The following MOSPD1 variants were observed in gnomAD, a reference collection of about 807,000 sequenced individuals.
MOSPD1 encodes the protein motile sperm domain containing 1, also known as motile sperm domain-containing protein 1.
MOSPD1 carries 5 observed loss-of-function variants against 16.7 expected under a neutral mutation model. That is an observed-to-expected ratio of 0.30 (90% CI 0.16 to 0.63). MOSPD1 has a LOEUF of 0.63. Ranked by LOEUF, MOSPD1 falls within the 30% of genes least tolerant of loss-of-function variation. The pLI, the probability that MOSPD1 is intolerant of heterozygous loss-of-function variation, is 0.82. For missense variants in MOSPD1, 104 were observed against 153.6 expected, an observed-to-expected ratio of 0.68 and a Z score of 1.71; for synonymous variants, 67 against 59.2, an observed-to-expected ratio of 1.13 and a Z score of -0.61.
intron 1 of MOSPD1, among the ~76,000 whole-genome samples, chrX:134,912,461 G>A (rs765689657): frequency 3.7e-5 from 4 of 109,475 alleles, no homozygotes; most frequent in Non-Finnish European, 7.6e-5. Context: ...TTACAGGTGT[G>A]AGCCACCACT....
At chrX:134,903,218 GA>G (rs779084515) in intron 1 of MOSPD1, among the ~76,000 whole-genome samples, 7 of 109,223 alleles carry the variant, frequency 6.4e-5, no homozygotes, top group African/African-American at 1.3e-4. Context: ...TATCTATCTA[GA>G]AAAAAAATAA....
intron 1 of MOSPD1, among the ~76,000 whole-genome samples, chrX:134,903,974 T>C (rs971027580): frequency 4.5e-5 from 5 of 110,948 alleles, no homozygotes; most frequent in African/African-American, 1.6e-4. Flanking sequence ...GAGGTGGAGG[T>C]TGCAGTGAGC....
At chrX:134,898,190 T>C (rs1427861528) in intron 3 of MOSPD1, among the ~76,000 whole-genome samples, 1 of 111,862 alleles carries the variant, frequency 8.9e-6, no homozygotes, top group East Asian at 2.8e-4. Flanking sequence ...AACACTGTAA[T>C]TCTTATGGGT....
At chrX:134,913,056 T>C (rs776189042) in intron 1 of MOSPD1, among the ~76,000 whole-genome samples, 7 of 110,317 alleles carry the variant, frequency 6.3e-5, no homozygotes, top group African/African-American at 2.0e-4. Context: ...CTGGCCAACA[T>C]TGGGAAATCC....
chrX:134,909,448 AT>A (rs1425972360), intron 1 of MOSPD1, among the ~76,000 whole-genome samples: 1 of 111,723 alleles, frequency 9.0e-6, no homozygotes, highest in Non-Finnish European at 1.9e-5. Context: ...GTTTACTCTG[AT>A]TAAGGTTCCC....
intron 1 of MOSPD1, among the ~76,000 whole-genome samples, chrX:134,907,635 C>T (rs982755239): frequency 8.9e-6 from 1 of 112,406 alleles, no homozygotes; most frequent in Admixed American, 9.4e-5. Flanking sequence ...GAGGCCGATG[C>T]GGGCGGATCA....
chrX:134,899,699 C>G, intron 1 of MOSPD1, 165 bp from the exon 2 acceptor site: 1 of 234,297 alleles, frequency 4.3e-6, no homozygotes, highest in Non-Finnish European at 7.6e-6. Context: ...GAGGTCGAGG[C>G]AGGCATATCA....
intron 1 of MOSPD1, among the ~76,000 whole-genome samples, chrX:134,910,411 A>G (rs1221835748): frequency 2.7e-5 from 3 of 111,473 alleles, no homozygotes; most frequent in Non-Finnish European, 5.6e-5. Context: ...TCTCAAAAAA[A>G]AAAAAATCAC....
intron 1 of MOSPD1, among the ~76,000 whole-genome samples, chrX:134,900,786 T>C (rs768955422): frequency 9.0e-6 from 1 of 110,625 alleles, no homozygotes; most frequent in Non-Finnish European, 1.9e-5. Flanking sequence ...CTGGTTGGAT[T>C]TGAACTCCTG....
chrX:134,890,739 C>T (rs1432786231), intron 5 of MOSPD1, among the ~76,000 whole-genome samples: 2 of 110,818 alleles, frequency 1.8e-5, no homozygotes, highest in Non-Finnish European at 3.8e-5. Context: ...ACCTGGGAGG[C>T]GGGGCTTGCA....
intron 4 of MOSPD1, among the ~76,000 whole-genome samples, chrX:134,892,807 G>T (rs746479598): frequency 9.0e-6 from 1 of 110,776 alleles, no homozygotes; most frequent in Non-Finnish European, 1.9e-5. Context: ...GAGAAGAATC[G>T]CTTGAACTCG....
intron 3 of MOSPD1, among the ~76,000 whole-genome samples, chrX:134,897,357 T>C (rs1453146838): frequency 9.2e-6 from 1 of 109,011 alleles, no homozygotes; most frequent in African/African-American, 3.3e-5. Context: ...GGCCTGGAGT[T>C]TGAGACCAGC....
At chrX:134,903,158 T>C (rs2148396808) in intron 1 of MOSPD1, among the ~76,000 whole-genome samples, 1 of 111,290 alleles carries the variant, frequency 9.0e-6, no homozygotes, top group South Asian at 3.7e-4. Flanking sequence ...AAAGGTGGTA[T>C]CTCTGATTTG....
chrX:134,895,732 A>G (rs1434597329), intron 4 of MOSPD1, among the ~76,000 whole-genome samples: 1 of 111,538 alleles, frequency 9.0e-6, no homozygotes, highest in African/African-American at 3.2e-5. Context: ...AGTTGATAAT[A>G]GTTGCTGAGA....
chrX:134,899,953 C>T (rs1198720515), intron 1 of MOSPD1: 1 of 111,567 alleles, frequency 9.0e-6, no homozygotes, highest in Non-Finnish European at 1.9e-5. Flanking sequence ...GAGACTCCGA[C>T]TCAAAAAAAG....
rs143435005 is a variant in MOSPD1, at chrX:134,897,026, C to T, written c.239G>A (p.Arg80His). Residue 80 changes from arginine (R) to histidine (H), a missense_variant, in exon 4 of 6, where the codon CGT (arginine) becomes CAT (histidine). Around this residue, in one of 3 missense-constraint regions of MOSPD1, gnomAD observed 68 missense variants for 73.1 expected, o/e 0.93. Coordinates refer to ENST00000370783, the MANE Select transcript of MOSPD1 (RefSeq NM_019556.3). ...GTGACAGGATCGAACATCTCGATGACGAATCACACTGAAAACAGCAAAAAT... is the reference window on the plus strand; with the variant it reads ...GTGACAGGATCGAACATCTCGATGATGAATCACACTGAAAACAGCAAAAAT... ...KPQCCVDIVI[R>H]HRDVRSCHYG... is the part of the protein sequence containing the mutation. 40 of 1,191,393 alleles carry T rather than the reference C, an allele frequency of 3.4e-5. No homozygotes were observed. Among genetic ancestry groups the T allele is most frequent in the African/African-American group, 5.3e-5 (3 of 56,476 alleles).
intron 4 of MOSPD1, among the ~76,000 whole-genome samples, chrX:134,891,936 C>G (rs2082864900): frequency 8.9e-6 from 1 of 112,219 alleles, no homozygotes; most frequent in Non-Finnish European, 1.9e-5. Context: ...AGAAAGTATT[C>G]AAGCATGTAT....
intron 5 of MOSPD1, 126 bp downstream of exon 5, chrX:134,891,353 C>T (rs1193801950): frequency 1.6e-6 from 1 of 640,704 alleles, no homozygotes; most frequent in Non-Finnish European, 2.4e-6. Flanking sequence ...CACCTGACCT[C>T]AATATGCTCT....
At chrX:134,889,640 T>C (rs1449596569) in intron 5 of MOSPD1, among the ~76,000 whole-genome samples, 2 of 110,400 alleles carry the variant, frequency 1.8e-5, no homozygotes, top group African/African-American at 6.6e-5. Context: ...ATATAAAATA[T>C]AAAATAGTAA....
Sources: allele counts gnomAD v4.1 joint callset (sites outside exome capture counted in the v4.1 genomes callset), GRCh38; gene constraint gnomAD v4.1.1; regional missense constraint gnomAD v4.1.1; transcripts MANE v1.5; gene names NCBI Gene and HGNC (gene_info 2026-07-23, HGNC 2026-07-21).